Variants in TEP1 observed in about 807,000 individuals in gnomAD.
The protein encoded by TEP1 is telomerase associated protein 1, also known as telomerase protein component 1.
TEP1 carries 241 observed loss-of-function variants against 306.3 expected under a neutral mutation model. That is an observed-to-expected ratio of 0.79 (90% CI 0.71 to 0.88). The LOEUF (loss-of-function observed/expected upper bound fraction) is 0.88. Ranked by LOEUF, TEP1 falls within the 40% of genes least tolerant of loss-of-function variation. The pLI, the probability that TEP1 is intolerant of heterozygous loss-of-function variation, is 0.00. For synonymous variants in TEP1, 1,289 were observed against 1,305.5 expected, an observed-to-expected ratio of 0.99 and a Z score of 0.27; for missense variants, 3,051 against 3,276.1, an observed-to-expected ratio of 0.93 and a Z score of 1.68.
rs1351036811 is a variant in TEP1, at chr14:20,373,681, C to G, written c.6601G>C (p.Ala2201Pro). Reference sequence around the variant, plus strand: ...GAGGTGGCTGACGTTTTGTTACCTGCACGGGGCTCCATGGCAGCTGCACAG... The same window carrying G: ...GAGGTGGCTGACGTTTTGTTACCTGGACGGGGCTCCATGGCAGCTGCACAG... ...SHCAAAMEPR[A>P]AGQPGSELLV... is the part of the protein sequence containing the mutation. The change falls in exon 45 of 55, where the codon GCA becomes CCA. Residue 2201 changes from alanine (A) to proline (P), a missense_variant. By Grantham distance (27) the Ala-to-Pro change is conservative. Around this residue, in one of 3 missense-constraint regions of TEP1, gnomAD observed 1,540 missense variants for 1,705.9 expected, o/e 0.90. Coordinates refer to ENST00000262715, the MANE Select transcript of TEP1 (RefSeq NM_007110.5). The G allele has an allele frequency of 1.2e-6, 2 of 1,614,168 alleles. No individual in the cohort carries two copies. The highest frequency in any genetic ancestry group is 4.5e-5 in the East Asian group (2 of 44,878).
At chr14:20,401,352 A>G (rs1243814382) in intron 8 of TEP1, 105 bp downstream of exon 8, 2 of 1,515,764 alleles carry the variant, frequency 1.3e-6, no homozygotes, top group East Asian at 2.3e-5. Flanking sequence ...ATGTCTGTCT[A>G]AAGTCATGTT....
At chr14:20,382,536 C>A in intron 28 of TEP1, 87 bp downstream of exon 28, 1 of 1,561,820 alleles carries the variant, frequency 6.4e-7, no homozygotes, top group Non-Finnish European at 8.8e-7. Flanking sequence ...CACAAGACAG[C>A]AAAGGACGTG....
chr14:20,391,227 A>G, intron 13 of TEP1, 131 bp from the exon 14 acceptor site: 1 of 971,518 alleles, frequency 1.0e-6, no homozygotes, highest in Non-Finnish European at 1.5e-6. Context: ...CCAAGTTAGG[A>G]GGGGTCAGCT....
intron 27 of TEP1, 124 bp from the exon 28 acceptor site, chr14:20,382,839 A>G (rs570866202): frequency 2.3e-6 from 2 of 851,920 alleles, no homozygotes; most frequent in East Asian, 5.2e-5. Flanking sequence ...CGCCAGGTCC[A>G]TGGCATCATC....
chr14:20,376,116 C>T lies in TEP1; in HGVS notation c.6237G>A (p.Gly2079=), dbSNP rs1028013688. ...FSTDGGSLAT[G]GRDRSLLCWD... Reference sequence around the variant, plus strand: ...TTCTGCAGCTCACCCGATCCCGGCCCCCGGTGGCCAGGCTGCCTCCATCAG... The same window carrying T: ...TTCTGCAGCTCACCCGATCCCGGCCTCCGGTGGCCAGGCTGCCTCCATCAG... Residue 2079 remains glycine, a synonymous_variant, in exon 42 of 55, where the codon GGG becomes GGA. Coordinates refer to ENST00000262715, the MANE Select transcript of TEP1 (RefSeq NM_007110.5). 6.2e-6 allele frequency: 10 copies of T among 1,613,996 alleles called. No individual in the cohort carries two copies. The highest frequency in any genetic ancestry group is 1.1e-5 in the South Asian group (1 of 91,064).
Position 20,408,510 on chromosome 14 carries a change from G to A in TEP1, c.-24-47C>T, listed in dbSNP as rs538564654. Reference sequence around the variant, plus strand: ...AGATGAGCACCTGGCTGCACTGAGCGTGTATTTGCATGAGAGCATATCTTC... The same window carrying A: ...AGATGAGCACCTGGCTGCACTGAGCATGTATTTGCATGAGAGCATATCTTC... On this transcript the variant is annotated intron_variant, in intron 1 of 54. Transcript: ENST00000262715. 254 of 1,454,524 alleles carry A rather than the reference G, an allele frequency of 1.7e-4. 1 individual carries two copies. The highest frequency in any genetic ancestry group is 6.2e-4 in the Admixed American group (31 of 49,630). The allele number at this position is 1,454,524 out of a possible 1,614,324, so 90.1% of individuals were successfully genotyped here. A position where few individuals can be genotyped will look rare whatever the true frequency, so the allele number is the denominator to read the frequency against.
rs185421912 is a variant in TEP1 at position 20,379,763 on chromosome 14, T to C, written c.5127+167A>G. Among the ~76,000 whole-genome samples, 236 of 152,342 alleles carry C rather than the reference T, an allele frequency of 1.5e-3. 7 individuals carry two copies. In the South Asian group the frequency reaches 0.029, roughly 18 times the overall value. On this transcript the variant is annotated intron_variant, in intron 35 of 54. Transcript: ENST00000262715. ...TTAAATGGAAGGTGTGCAGCAAATA[T>C]TTGCTGTGTGATTGATTTTTTGGCC...
intron 12 of TEP1, among the ~76,000 whole-genome samples, chr14:20,393,204 A>G (rs976110318): frequency 9.2e-5 from 14 of 151,980 alleles, no homozygotes; most frequent in Admixed American, 2.0e-4. Flanking sequence ...GCGACAGAGC[A>G]AGACTCGGTC....
chr14:20,377,939 G>C, intron 39 of TEP1, 85 bp downstream of exon 39: 3 of 1,544,956 alleles, frequency 1.9e-6, no homozygotes, highest in Non-Finnish European at 8.8e-7. Context: ...CAGTCTCCTC[G>C]ACAAAGGACC....
rs1040980059 is a variant in TEP1, at chr14:20,387,681, C to T, written c.2684+224G>A. 4.6e-5 allele frequency among the ~76,000 whole-genome samples: 7 copies of T among 152,384 alleles called. No individual in the cohort carries two copies. In the East Asian group the frequency reaches 9.6e-4, roughly 21 times the overall value. ...CTGGCCATACGGCCATGATGTCTGC[C>T]GTCATCTTTGCATTCTGACTTCCTT... On this transcript the variant is annotated intron_variant, in intron 18 of 54. Transcript: ENST00000262715.
At chr14:20,394,916 G>A (rs1020576285) in intron 12 of TEP1, among the ~76,000 whole-genome samples, 3 of 152,130 alleles carry the variant, frequency 2.0e-5, no homozygotes, top group Non-Finnish European at 4.4e-5. Context: ...GTAAGATACT[G>A]ATGAACCACT....
At chr14:20,411,109 C>T (rs1009910676) in intron 1 of TEP1, among the ~76,000 whole-genome samples, 1 of 152,104 alleles carries the variant, frequency 6.6e-6, no homozygotes, top group Non-Finnish European at 1.5e-5. Context: ...CGTGAGCCAC[C>T]GCACCCAGCC....
At position 20,381,016 on chromosome 14, in the gene TEP1, C is replaced by T. The variant is rs755289769; in HGVS notation, c.4677G>A (p.Ser1559=). 4.3e-6 allele frequency: 7 copies of T among 1,613,908 alleles called. No homozygotes were observed. The highest frequency in any genetic ancestry group is 4.0e-5 in the African/African-American group (3 of 74,882). ...LLQSGNRGLL[S]KFLTNLHVVA... is the part of the protein sequence containing the mutation. ...CCACATGGAGGTTGGTAAGGAACTT[C>T]GAAAGAAGTCCACGGTTCCCGCTCT... is the stretch of plus-strand genomic sequence containing the variant. Residue 1559 remains serine (S), a synonymous_variant, in exon 33 of 55, where the codon TCG becomes TCA. Transcript: ENST00000262715. This position sits in a 1 kb window ranked among gnomAD's most constrained non-coding sequence, Gnocchi z 4.0.
intron 9 of TEP1, among the ~76,000 whole-genome samples, chr14:20,398,377 A>C (rs1164744735): frequency 3.6e-5 from 3 of 83,468 alleles, no homozygotes; most frequent in East Asian, 4.8e-4. Context: ...GACTCCGCCC[A>C]AAAAAAAAAA....
chr14:20,382,468 G>C, intron 28 of TEP1, 112 bp from the exon 29 acceptor site: 1 of 1,537,788 alleles, frequency 6.5e-7, no homozygotes, highest in Non-Finnish European at 8.8e-7. Context: ...AAAAAGTAAA[G>C]AACAACAGTA....
At position 20,403,846 on chromosome 14, in the gene TEP1, C is replaced by A; in HGVS notation, c.1071G>T (p.Leu357=). The A allele has an allele frequency of 6.2e-7, 1 of 1,614,142 alleles. No homozygotes were observed. Among genetic ancestry groups the A allele is most frequent in the Non-Finnish European group, 8.5e-7 (1 of 1,180,022 alleles). The part of the protein sequence containing the change: ...AEGDKNKLVP[L]PACLRTAMTD... ...TCATGGCAGTACGGAGACAGGCGGG[C>A]AGGGGCACCAGCTTATTCTTATCTC... is the stretch of plus-strand genomic sequence containing the variant. Residue 357 remains leucine (L), a synonymous_variant, in exon 6 of 55, where the codon CTG becomes CTT. Coordinates refer to ENST00000262715, the MANE Select transcript of TEP1 (RefSeq NM_007110.5).
intron 17 of TEP1, 27 bp from the exon 18 acceptor site, chr14:20,388,090 AG>A: frequency 6.2e-7 from 1 of 1,613,044 alleles, no homozygotes; most frequent in Non-Finnish European, 8.5e-7. Context: ...GATAAATGAG[AG>A]TAGAATACCA....
intron 7 of TEP1, 56 bp downstream of exon 7, chr14:20,403,321 A>G (rs1401608777): frequency 2.5e-6 from 4 of 1,584,492 alleles, no homozygotes; most frequent in Middle Eastern, 1.7e-4. Context: ...GTTCGTAAAT[A>G]TTAGTCCAGA....
intron 49 of TEP1, among the ~76,000 whole-genome samples, chr14:20,372,362 ATGTGTGTGTGTGTGTGTATGTG>A (rs6145261): frequency 0.15 from 20,654 of 135,018 alleles, 1,472 homozygotes; most frequent in South Asian, 0.2. Context: ...CCCCAGGAAT[ATGTGTGTGTGTGTGTGTATGTG>A]TGTGTGTGTG....
Sources: gnomAD v4.1 joint callset for allele counts (sites outside exome capture counted in the v4.1 genomes callset) on GRCh38, gnomAD v4.1.1 for gene constraint, gnomAD v4.1.1 regional missense constraint, Gnocchi (gnomAD v3.1) non-coding constraint, MANE v1.5 for transcripts, NCBI Gene and HGNC (gene_info 2026-07-23, HGNC 2026-07-21) for gene names.